Variants in KAZN observed in about 807,000 individuals in gnomAD.
KAZN encodes kazrin, periplakin interacting protein.
A neutral mutation model predicts 87.4 loss-of-function variants in KAZN; 40 were observed. The observed-to-expected ratio is 0.46, with a 90% CI of 0.36 to 0.60. The LOEUF (loss-of-function observed/expected upper bound fraction) is 0.60, where lower values mean the gene tolerates loss of function less well. KAZN is among the 20% of genes least tolerant of loss of function. KAZN has a pLI of 0.00. For synonymous variants in KAZN, 466 were observed against 458.3 expected, an observed-to-expected ratio of 1.02 and a Z score of -0.22; for missense variants, 898 against 1,073.9, an observed-to-expected ratio of 0.84 and a Z score of 2.29.
intron 2 of KAZN, among the ~76,000 whole-genome samples, chr1:14,355,106 A>G (rs940252238): frequency 1.3e-5 from 2 of 152,174 alleles, no homozygotes; most frequent in Non-Finnish European, 2.9e-5. Context: ...AGCACAAACT[A>G]TATGATTCCA....
chr1:14,704,264 G>A (rs992612308), intron 1 of KAZN, among the ~76,000 whole-genome samples: 1 of 152,160 alleles, frequency 6.6e-6, no homozygotes, highest in African/African-American at 2.4e-5. Flanking sequence ...CAACCATAAG[G>A]ATCCTGTTAT....
chr1:14,028,175 T>C (rs945413874), intron 1 of KAZN, among the ~76,000 whole-genome samples: 2 of 139,650 alleles, frequency 1.4e-5, no homozygotes, highest in Admixed American at 7.4e-5. Flanking sequence ...GGGGTGCAGC[T>C]CTTTATTTAT....
intron 1 of KAZN, among the ~76,000 whole-genome samples, chr1:14,715,228 C>T (rs1642727118): frequency 6.6e-6 from 1 of 152,180 alleles, no homozygotes; most frequent in Non-Finnish European, 1.5e-5. Context: ...CCTTGCAGGG[C>T]CCTAACAGTG....
At chr1:15,112,596 T>TTTTTCTTCTCCCAGCGGCAGGTCTTTA in intron 14 of KAZN, 55 bp downstream of exon 14, 2 of 1,259,988 alleles carry the variant, frequency 1.6e-6, no homozygotes, top group Non-Finnish European at 2.3e-6. Context: ...AAAGGTCTTT[T>TTTTTCTTCTCCCAGCGGCAGGTCTTTA]TTTCTCCTCC....
chr1:14,007,357 A>G (rs1640081666), intron 1 of KAZN, among the ~76,000 whole-genome samples: 1 of 152,142 alleles, frequency 6.6e-6, no homozygotes, highest in African/African-American at 2.4e-5. Context: ...TGCTCTTGCT[A>G]GTACTTTCAA....
At chr1:14,122,989 A>G (rs576229896) in intron 1 of KAZN, among the ~76,000 whole-genome samples, 3 of 152,340 alleles carry the variant, frequency 2.0e-5, no homozygotes, top group African/African-American at 7.2e-5. Context: ...TTTGATAGCA[A>G]AGCGGAGGAA....
rs893641991 is a variant in KAZN at position 15,077,613 on chromosome 1, T to C, written c.1222+11860T>C. 4.6e-5 allele frequency among the ~76,000 whole-genome samples: 7 copies of C among 152,174 alleles called. No homozygotes were observed. The highest frequency in any genetic ancestry group is 8.8e-5 in the Non-Finnish European group (6 of 68,030). On this transcript the variant is annotated intron_variant, in intron 8 of 14. Coordinates refer to ENST00000376030, the MANE Select transcript of KAZN (RefSeq NM_201628.3). The surrounding 1 kb of genome is among the most constrained non-coding windows in gnomAD (Gnocchi z 4.8). Reference sequence around the variant, plus strand: ...TGCTTGCAGCCACGTGACTCAGTTGTTTTTTATAGTCACTACCGGAGTCTC... The same window carrying C: ...TGCTTGCAGCCACGTGACTCAGTTGCTTTTTATAGTCACTACCGGAGTCTC...
chr1:14,845,508 T>A (rs958350937), intron 1 of KAZN, among the ~76,000 whole-genome samples: 1 of 149,760 alleles, frequency 6.7e-6, no homozygotes, highest in Non-Finnish European at 1.5e-5. Context: ...GATGGATGGA[T>A]AAGTGGATGG....
chr1:14,316,777 G>GT (rs1414199776), intron 2 of KAZN, among the ~76,000 whole-genome samples: 4 of 151,350 alleles, frequency 2.6e-5, no homozygotes, highest in East Asian at 1.9e-4. Context: ...CACATGATTT[G>GT]TTTTTTTGCC....
chr1:14,310,658 A>G (rs1655222239), intron 2 of KAZN, among the ~76,000 whole-genome samples: 1 of 152,206 alleles, frequency 6.6e-6, no homozygotes, highest in Non-Finnish European at 1.5e-5. Context: ...TATGTTCCCC[A>G]GTTGTGAAGT....
intron 2 of KAZN, among the ~76,000 whole-genome samples, chr1:14,977,449 C>T (rs555875220): frequency 1.3e-5 from 2 of 152,326 alleles, no homozygotes; most frequent in East Asian, 3.9e-4. Context: ...CCTTTCTGGT[C>T]GTGTGGCCTG....
At chr1:14,204,211 T>G (rs1167045868) in intron 2 of KAZN, among the ~76,000 whole-genome samples, 1 of 152,262 alleles carries the variant, frequency 6.6e-6, no homozygotes, top group African/African-American at 2.4e-5. Flanking sequence ...CATTTCACTC[T>G]GGTTTTCTCA....
Position 15,056,307 on chromosome 1 carries a change from C to T in KAZN, c.916+27C>T, listed in dbSNP as rs1301398922. 1 of 1,574,372 alleles carries T rather than the reference C, an allele frequency of 6.4e-7. No homozygotes were observed. Among genetic ancestry groups the T allele is most frequent in the Admixed American group, 1.7e-5 (1 of 58,010 alleles). The stretch of plus-strand genomic sequence containing the variant: ...TGAGTCCTGCCCTGGCCTGGCTCCA[C>T]CACGGCTTCGAGGGGCTTCACAGGA... On this transcript the variant is annotated intron_variant, in intron 5 of 14. Transcript: ENST00000376030. The surrounding 1 kb of genome is among the most constrained non-coding windows in gnomAD (Gnocchi z 5.4).
intron 2 of KAZN, among the ~76,000 whole-genome samples, chr1:14,536,600 G>A (rs116383236): frequency 0.022 from 3,371 of 152,252 alleles, 138 homozygotes; most frequent in African/African-American, 0.077. Flanking sequence ...AGTTGAAGTC[G>A]GCTGCGTGTG....
intron 2 of KAZN, among the ~76,000 whole-genome samples, chr1:14,482,946 T>A (rs1669161290): frequency 6.6e-6 from 1 of 152,200 alleles, no homozygotes; most frequent in South Asian, 2.1e-4. Context: ...TCTTTATTTA[T>A]ACCTTAGTTT....
At chr1:15,110,617 T>C (rs993045113) in intron 13 of KAZN, among the ~76,000 whole-genome samples, 1 of 152,132 alleles carries the variant, frequency 6.6e-6, no homozygotes, top group Admixed American at 6.5e-5. Context: ...GTTCTGTTAT[T>C]AACCCCACTC....
intron 1 of KAZN, among the ~76,000 whole-genome samples, chr1:14,656,325 G>C (rs1027733662): frequency 1.3e-5 from 2 of 152,088 alleles, no homozygotes; most frequent in Non-Finnish European, 2.9e-5. Flanking sequence ...GACAGTTTCC[G>C]GTCCCAGAAG....
intron 2 of KAZN, among the ~76,000 whole-genome samples, chr1:14,506,707 T>C (rs1459884399): frequency 6.6e-6 from 1 of 152,242 alleles, no homozygotes; most frequent in Non-Finnish European, 1.5e-5. Context: ...CTCTCATTGT[T>C]ATCACTTACT....
intron 1 of KAZN, among the ~76,000 whole-genome samples, chr1:13,963,759 CTGTGTGTGTGTGTGTGTGTGTG>C (rs70987708): frequency 2.8e-5 from 4 of 142,004 alleles, no homozygotes; most frequent in Non-Finnish European, 4.7e-5. Context: ...CTGCTGTGGT[CTGTGTGTGTGTGTGTGTGTGTG>C]TGTGTGTGTG....
Sources: allele counts gnomAD v4.1 joint callset (sites outside exome capture counted in the v4.1 genomes callset), GRCh38; gene constraint gnomAD v4.1.1; non-coding constraint Gnocchi (gnomAD v3.1); transcripts MANE v1.5; gene names NCBI Gene and HGNC (gene_info 2026-07-23, HGNC 2026-07-21).